The following SORCS2 variants were observed in gnomAD, a reference collection of about 807,000 sequenced individuals.
SORCS2 encodes VPS10 domain-containing receptor SorCS2.
Under a neutral mutation model 141.6 loss-of-function variants are expected in SORCS2, and 100 were observed. The observed-to-expected ratio is 0.71, with a 90% CI of 0.60 to 0.83. The LOEUF (loss-of-function observed/expected upper bound fraction) is 0.83, where lower values mean the gene tolerates loss of function less well. Among genes scored for constraint, SORCS2 ranks in the 40% least tolerant of loss-of-function variants. The probability of loss-of-function intolerance (pLI) is 0.00; values close to 1 mark genes in which losing one functional copy is unlikely to be tolerated. For missense variants in SORCS2, 1,646 were observed against 1,560.2 expected (o/e 1.05, Z -0.93); for synonymous variants, 789 against 676.9 (o/e 1.17, Z -2.57).
rs778221639 is a variant in SORCS2 at position 7,726,761 on chromosome 4, C to T, written c.2746-19C>T. 16 of 1,611,986 alleles carry T rather than the reference C, an allele frequency of 9.9e-6. No homozygotes were observed. The Admixed American group carries it at 2.2e-4, about 22-fold the overall frequency. On this transcript the variant is annotated intron_variant, in intron 20 of 26. Coordinates refer to ENST00000507866, the MANE Select transcript of SORCS2 (RefSeq NM_020777.3). ...TGCCTCACTCGGCCAGGCCCCTAAG[C>T]CCTGCTGTGCCCCTGCAGCCCCTCC...
intron 3 of SORCS2, among the ~76,000 whole-genome samples, chr4:7,631,386 G>A (rs1719885567): frequency 6.6e-6 from 1 of 151,830 alleles, no homozygotes; most frequent in South Asian, 2.1e-4. Flanking sequence ...CAGACCTCCT[G>A]GCCAGGCAGG....
At chr4:7,724,447 G>GTGGTGGTGATGGTGGTGGTGATGGTGA (rs1226614150) in intron 19 of SORCS2, among the ~76,000 whole-genome samples, 6 of 136,660 alleles carry the variant, frequency 4.4e-5, no homozygotes, top group South Asian at 2.6e-4. Context: ...GGTGACAATG[G>GTGGTGGTGATGGTGGTGGTGATGGTGA]TGGTGGTGAT....
chr4:7,708,708 G>A (rs951212768), intron 14 of SORCS2, among the ~76,000 whole-genome samples: 5 of 152,182 alleles, frequency 3.3e-5, no homozygotes, highest in Admixed American at 6.5e-5. Flanking sequence ...TGCATACTAC[G>A]GGCTGTTTTC....
At position 7,714,123 on chromosome 4, in the gene SORCS2, C is replaced by A. The variant is rs1726023762; in HGVS notation, c.1990-117C>A. 3 of 1,396,516 alleles carry A rather than the reference C, an allele frequency of 2.1e-6. No individual in the cohort carries two copies. In the East Asian group the frequency reaches 7.5e-5, roughly 35 times the overall value. The allele number at this position is 1,396,516 out of a possible 1,614,324, so 86.5% of individuals were successfully genotyped here. On this transcript the variant is annotated intron_variant, in intron 15 of 26. Transcript: ENST00000507866. ...CGCCCCATTATGGGCCTCAGTTTCCCCATCTGTAACCTGAGCCATCAGCCA... is the reference window on the plus strand; with the variant it reads ...CGCCCCATTATGGGCCTCAGTTTCCACATCTGTAACCTGAGCCATCAGCCA...
At chr4:7,529,769 C>G (rs548791439) in intron 2 of SORCS2, among the ~76,000 whole-genome samples, 2 of 152,296 alleles carry the variant, frequency 1.3e-5, no homozygotes, top group South Asian at 2.1e-4. Context: ...CCTCTCTCTG[C>G]GTCCTTCCCA....
intron 4 of SORCS2, among the ~76,000 whole-genome samples, chr4:7,639,956 T>C (rs1428792871): frequency 6.6e-6 from 1 of 151,096 alleles, no homozygotes; most frequent in Non-Finnish European, 1.5e-5. Flanking sequence ...TGAGAATGAG[T>C]GTGGGTGTGA....
At chr4:7,211,784 G>C (rs1017260914) in intron 1 of SORCS2, among the ~76,000 whole-genome samples, 2 of 152,142 alleles carry the variant, frequency 1.3e-5, no homozygotes, top group African/African-American at 4.8e-5. Context: ...AGGAGGGGTT[G>C]GGGGCTCCCA....
Position 7,330,692 on chromosome 4 carries a change from C to T in SORCS2, c.481-65596C>T, listed in dbSNP as rs77053207. Among the ~76,000 whole-genome samples the T allele has an allele frequency of 2.6e-4, 39 of 152,212 alleles. No individual in the cohort carries two copies. In the East Asian group the frequency reaches 6.6e-3, roughly 26 times the overall value. On this transcript the variant is annotated intron_variant, in intron 1 of 26. Coordinates refer to ENST00000507866, the MANE Select transcript of SORCS2 (RefSeq NM_020777.3). ...CTGCAGTGCAACTTACATCCATGCT[C>T]ACCTTGGAACTTCGCACCTGCCCTC... is the stretch of plus-strand genomic sequence containing the variant.
At chr4:7,386,564 A>G (rs1256551588) in intron 1 of SORCS2, among the ~76,000 whole-genome samples, 2 of 129,178 alleles carry the variant, frequency 1.5e-5, no homozygotes, top group Admixed American at 7.8e-5. Flanking sequence ...ACACACGCAC[A>G]TGCACACACA....
rs115995276 is a variant in SORCS2 at position 7,332,120 on chromosome 4, C to A, written c.481-64168C>A. Among the ~76,000 whole-genome samples, 1,497 of 152,298 alleles carry A rather than the reference C, an allele frequency of 9.8e-3. 17 individuals are homozygous for A. Among genetic ancestry groups the A allele is most frequent in the African/African-American group, 0.034 (1,417 of 41,554 alleles). ...TAGTGAGCACCAACTGTGTGCCTGG[C>A]ATTTCCTTTGTCCTTGCTACAGGAG... On this transcript the variant is annotated intron_variant, in intron 1 of 26. Coordinates refer to ENST00000507866, the MANE Select transcript of SORCS2 (RefSeq NM_020777.3).
intron 24 of SORCS2, among the ~76,000 whole-genome samples, chr4:7,734,059 G>A (rs896052329): frequency 6.6e-6 from 1 of 151,778 alleles, no homozygotes; most frequent in Non-Finnish European, 1.5e-5. Flanking sequence ...GGGACAGGAA[G>A]AGGTCAAGCC....
chr4:7,192,636 C>A lies in SORCS2; in HGVS notation c.-11C>A. The stretch of plus-strand genomic sequence containing the variant: ...GCCCCGCCGCCGGCTCCGCTGCCGC[C>A]CCTGGCGACCATGGCGCACCGGGGG... On this transcript the variant is annotated 5_prime_UTR_variant, in exon 1 of 27. Coordinates refer to ENST00000507866, the MANE Select transcript of SORCS2 (RefSeq NM_020777.3). The surrounding 1 kb of genome is among the most constrained non-coding windows in gnomAD (Gnocchi z 4.0). 1.1e-5 allele frequency: 11 copies of A among 987,532 alleles called. No individual in the cohort carries two copies. The highest frequency in any genetic ancestry group is 9.6e-6 in the Non-Finnish European group (8 of 832,310). 61.2% of individuals were successfully genotyped at this position (987,532 alleles called of 1,614,324 possible).
intron 1 of SORCS2, among the ~76,000 whole-genome samples, chr4:7,292,264 CG>C (rs1685022854): frequency 6.6e-6 from 1 of 151,240 alleles, no homozygotes; most frequent in African/African-American, 2.4e-5. Flanking sequence ...ATTCACGGTC[CG>C]TTCACCAAGG....
At chr4:7,273,075 T>G (rs932655520) in intron 1 of SORCS2, among the ~76,000 whole-genome samples, 4 of 152,218 alleles carry the variant, frequency 2.6e-5, no homozygotes, top group African/African-American at 9.6e-5. Flanking sequence ...TCAGTGGGCT[T>G]TAGAACATGA....
intron 1 of SORCS2, among the ~76,000 whole-genome samples, chr4:7,281,069 G>A (rs576775153): frequency 2.6e-5 from 4 of 152,240 alleles, no homozygotes; most frequent in East Asian, 3.9e-4. Context: ...CCCTGCCCAC[G>A]GTATCTCTAC....
Position 7,724,474 on chromosome 4 carries a change from ATGG to A in SORCS2, c.2611+597_2611+599del, listed in dbSNP as rs1288837332. Among the ~76,000 whole-genome samples, 19 of 26,230 alleles carry A rather than the reference ATGG, an allele frequency of 7.2e-4. 1 individual carries two copies. In the South Asian group the frequency reaches 7.3e-3, roughly 10 times the overall value. The allele number at this position is 26,230 out of a possible 152,430, so 17.2% of individuals were successfully genotyped here. ...GGTGGTGATGGTGGTGGTGATGGTG[ATGG>A]TGGTGATGGTGGTGGTGGTGACAAT... On this transcript the variant is annotated intron_variant, in intron 19 of 26. Transcript: ENST00000507866.
chr4:7,644,063 G>A (rs1313669881), intron 4 of SORCS2, among the ~76,000 whole-genome samples: 2 of 152,178 alleles, frequency 1.3e-5, no homozygotes, highest in Admixed American at 6.5e-5. Flanking sequence ...GCAGAAAAGG[G>A]ATTTAACAGG....
At chr4:7,450,807 G>A (rs1174895568) in intron 2 of SORCS2, among the ~76,000 whole-genome samples, 1 of 152,186 alleles carries the variant, frequency 6.6e-6, no homozygotes, top group East Asian at 1.9e-4. Flanking sequence ...ATGAGGGAAG[G>A]AATGAGGAAT....
intron 1 of SORCS2, among the ~76,000 whole-genome samples, chr4:7,214,198 G>C (rs1479749114): frequency 6.6e-6 from 1 of 152,142 alleles, no homozygotes; most frequent in Non-Finnish European, 1.5e-5. Context: ...ACTCAATGCT[G>C]AAATTTAATT....
Sources: gnomAD v4.1 joint callset for allele counts (sites outside exome capture counted in the v4.1 genomes callset) on GRCh38, gnomAD v4.1.1 for gene constraint, Gnocchi (gnomAD v3.1) non-coding constraint, MANE v1.5 for transcripts, NCBI Gene and HGNC (gene_info 2026-07-23, HGNC 2026-07-21) for gene names.